The following PDGFD variants were observed in gnomAD, a reference collection of about 807,000 sequenced individuals.
PDGFD encodes platelet derived growth factor D.
A neutral mutation model predicts 44.7 loss-of-function variants in PDGFD; 30 were observed. The observed-to-expected ratio is 0.67, with a 90% confidence interval of 0.50 to 0.91. PDGFD has a LOEUF of 0.91. Ranked by LOEUF, PDGFD falls within the 40% of genes least tolerant of loss-of-function variation. The pLI is 0.00. For missense variants in PDGFD, 445 were observed against 457.8 expected, an observed-to-expected ratio of 0.97 and a Z score of 0.25; for synonymous variants, 173 against 168.4, an observed-to-expected ratio of 1.03 and a Z score of -0.21.
chr11:104,163,807 C>A lies in PDGFD; in HGVS notation c.121G>T (p.Asp41Tyr). ...AAAAATAAAATGAGTCTCTTACCAT[C>A]TCGCCTGAGGTTGGCGTTGCGCAAA... ...KALRNANLRR[D>Y]ESNHLTDLYR... Residue 41 changes from aspartate to tyrosine, a missense_variant, in exon 1 of 7, where the codon GAT becomes TAT. By Grantham distance (160) the Asp-to-Tyr change is radical. Coordinates refer to ENST00000393158, the MANE Select transcript of PDGFD (RefSeq NM_025208.5). The A allele has an allele frequency of 2.0e-6, 3 of 1,534,458 alleles. No homozygotes were observed. The highest frequency in any genetic ancestry group is 3.6e-5 in the Admixed American group (2 of 55,434).
chr11:104,066,009 A>AT (rs1860786042), intron 1 of PDGFD, among the ~76,000 whole-genome samples: 1 of 152,182 alleles, frequency 6.6e-6, no homozygotes. Context: ...AAATATTTTA[A>AT]TTTTTATTTG....
chr11:104,008,341 T>C (rs762668134), intron 1 of PDGFD, among the ~76,000 whole-genome samples: 1 of 152,162 alleles, frequency 6.6e-6, no homozygotes. Context: ...AATGGGTAAG[T>C]GGTCAAACAC....
intron 5 of PDGFD, among the ~76,000 whole-genome samples, chr11:103,927,861 A>C (rs940911687): frequency 6.6e-6 from 1 of 152,186 alleles, no homozygotes; most frequent in Non-Finnish European, 1.5e-5. Flanking sequence ...CTCATCTATA[A>C]CATGTAATCA....
At chr11:103,932,664 T>G (rs1309732913) in intron 5 of PDGFD, among the ~76,000 whole-genome samples, 1 of 152,140 alleles carries the variant, frequency 6.6e-6, no homozygotes, top group Non-Finnish European at 1.5e-5. Context: ...ACTTCAACGA[T>G]TAGGAGCAAG....
chr11:103,986,817 G>T (rs1224748008), intron 3 of PDGFD, among the ~76,000 whole-genome samples: 5 of 152,186 alleles, frequency 3.3e-5, no homozygotes, highest in Non-Finnish European at 7.3e-5. Context: ...CATGCAGCTG[G>T]AGGCTGCAAG....
chr11:104,038,438 C>A (rs260808), intron 1 of PDGFD: 29,405 of 179,048 alleles, frequency 0.16, 3,610 homozygotes, highest in African/African-American at 0.36. Flanking sequence ...ATAATTCTTT[C>A]TACTGAGAGA....
chr11:104,038,692 T>G (rs1301940408), intron 1 of PDGFD: 1 of 167,074 alleles, frequency 6.0e-6, no homozygotes, highest in Non-Finnish European at 1.5e-5. Context: ...TACATTAATT[T>G]TCTATTTCTC....
At chr11:104,113,082 G>A (rs924005849) in intron 1 of PDGFD, among the ~76,000 whole-genome samples, 2 of 152,104 alleles carry the variant, frequency 1.3e-5, no homozygotes, top group East Asian at 1.9e-4. Flanking sequence ...TATTAAGTCA[G>A]AACATTGGGC....
intron 6 of PDGFD, among the ~76,000 whole-genome samples, chr11:103,921,428 T>C (rs908217893): frequency 1.3e-5 from 2 of 152,202 alleles, no homozygotes; most frequent in African/African-American, 4.8e-5. Context: ...AACAAAGTAC[T>C]ATTCTTTTAC....
intron 1 of PDGFD, among the ~76,000 whole-genome samples, chr11:104,083,930 G>T (rs890333458): frequency 1.3e-5 from 2 of 152,136 alleles, no homozygotes; most frequent in Non-Finnish European, 2.9e-5. Flanking sequence ...AATACTGAAG[G>T]TGCTAAAAAG....
chr11:104,033,953 T>A (rs1860172533), intron 1 of PDGFD, among the ~76,000 whole-genome samples: 1 of 151,134 alleles, frequency 6.6e-6, no homozygotes, highest in East Asian at 1.9e-4. Flanking sequence ...CAATGCTAGA[T>A]TTTTTTTCTT....
At chr11:104,050,467 A>G (rs1190403783) in intron 1 of PDGFD, among the ~76,000 whole-genome samples, 2 of 152,178 alleles carry the variant, frequency 1.3e-5, no homozygotes, top group African/African-American at 4.8e-5. Context: ...AAACATTTAA[A>G]TGAAAAGAGC....
chr11:104,028,191 G>GAAAAAAAA (rs36060540), intron 1 of PDGFD, among the ~76,000 whole-genome samples: 2 of 116,152 alleles, frequency 1.7e-5, no homozygotes, highest in African/African-American at 3.3e-5. Context: ...CTCCGTCAAA[G>GAAAAAAAA]AAAAAAAAAA....
At chr11:104,104,716 A>G (rs12290244) in intron 1 of PDGFD, among the ~76,000 whole-genome samples, 8,409 of 152,162 alleles carry the variant, frequency 0.055, 365 homozygotes, top group African/African-American at 0.12. Context: ...TATTCTCACC[A>G]AGAAAATGCC....
chr11:104,068,793 A>G (rs932155854), intron 1 of PDGFD, among the ~76,000 whole-genome samples: 11 of 125,216 alleles, frequency 8.8e-5, no homozygotes, highest in African/African-American at 3.8e-4. Flanking sequence ...TATGACATTT[A>G]TTTTTATTCT....
chr11:103,976,934 T>G (rs1004904114), intron 3 of PDGFD, among the ~76,000 whole-genome samples: 1 of 151,686 alleles, frequency 6.6e-6, no homozygotes, highest in Non-Finnish European at 1.5e-5. Flanking sequence ...ACAAAATAGA[T>G]AGACCACTAG....
At chr11:103,949,070 T>C (rs1858706761) in intron 3 of PDGFD, among the ~76,000 whole-genome samples, 1 of 148,332 alleles carries the variant, frequency 6.7e-6, no homozygotes, top group South Asian at 2.1e-4. Context: ...TGGCGTGATC[T>C]TGGCTTACTG....
chr11:104,147,521 T>C (rs944474205), intron 1 of PDGFD, among the ~76,000 whole-genome samples: 2 of 152,164 alleles, frequency 1.3e-5, no homozygotes, highest in African/African-American at 4.8e-5. Flanking sequence ...GTAAGAATGA[T>C]TTATATTGCT....
In PDGFD at chr11:103,983,935, A is replaced by G. The variant is rs2134353368; in HGVS notation, c.510+12130T>C. Among the ~76,000 whole-genome samples, 5 of 151,830 alleles carry G rather than the reference A, an allele frequency of 3.3e-5. No homozygotes were observed. In the South Asian group the frequency reaches 1.0e-3, roughly 32 times the overall value. ...GCTGGCAAGGTCGTGGAGAAAAACG[A>G]ATGCTTATACACTGTCGGTGGAAGT... On this transcript the variant is annotated intron_variant, in intron 3 of 6. Coordinates refer to ENST00000393158, the MANE Select transcript of PDGFD (RefSeq NM_025208.5).
Sources: gnomAD v4.1 joint callset for allele counts (sites outside exome capture counted in the v4.1 genomes callset) on GRCh38, gnomAD v4.1.1 for gene constraint, MANE v1.5 for transcripts, NCBI Gene and HGNC (gene_info 2026-07-23, HGNC 2026-07-21) for gene names.